Variants in TFAP2C observed in about 807,000 individuals in gnomAD.
TFAP2C encodes transcription factor AP-2 gamma.
Under a neutral mutation model 42.9 loss-of-function variants are expected in TFAP2C, and 9 were observed. That is an observed-to-expected ratio of 0.21 (90% CI 0.13 to 0.37). The LOEUF is 0.37. Among genes scored for constraint, TFAP2C ranks in the 10% least tolerant of loss-of-function variants. The pLI, the probability that TFAP2C is intolerant of heterozygous loss-of-function variation, is 1.00. For synonymous variants in TFAP2C, 264 were observed against 256.0 expected, an observed-to-expected ratio of 1.03 and a Z score of -0.30; for missense variants, 462 against 591.7, an observed-to-expected ratio of 0.78 and a Z score of 2.27.
chr20:56,631,189 T>C lies in TFAP2C; in HGVS notation c.49-16T>C, dbSNP rs1463632770. On this transcript the variant is annotated splice_polypyrimidine_tract_variant and intron_variant, in intron 1 of 6. Coordinates refer to ENST00000201031, the MANE Select transcript of TFAP2C (RefSeq NM_003222.4). The surrounding 1 kb of genome is among the most constrained non-coding windows in gnomAD (Gnocchi z 6.1). Reference sequence around the variant, plus strand: ...TTCGCACTAACGGGGTCTCCTGTTTTTTTTTTTCCCTCCAGGATCGCCACG... The same window carrying C: ...TTCGCACTAACGGGGTCTCCTGTTTCTTTTTTTCCCTCCAGGATCGCCACG... 1 of 1,495,960 alleles carries C rather than the reference T, an allele frequency of 6.7e-7. No homozygotes were observed. The highest frequency in any genetic ancestry group is 8.9e-7 in the Non-Finnish European group (1 of 1,125,754). The allele number at this position is 1,495,960 out of a possible 1,614,324, so 92.7% of individuals were successfully genotyped here.
intron 6 of TFAP2C, 66 bp from the exon 7 acceptor site, chr20:56,637,662 G>T: frequency 6.5e-7 from 1 of 1,545,970 alleles, no homozygotes; most frequent in Non-Finnish European, 8.8e-7. Context: ...CAGTGTAGTT[G>T]GTTCTGTGCT....
In TFAP2C at chr20:56,631,302, C is replaced by T. The variant is rs774157164; in HGVS notation, c.146C>T (p.Thr49Ile). Residue 49 changes from threonine (T) to isoleucine (I), a missense_variant, in exon 2 of 7, where the codon ACT (threonine) becomes ATT (isoleucine). Thr to Ile is a moderately conservative substitution (Grantham distance 89). Transcript: ENST00000201031. The surrounding 1 kb of genome is among the most constrained non-coding windows in gnomAD (Gnocchi z 6.1). ...AGCCCCGCGCCACCCCTCTCCCACACTGGAGTCGCCGAATATCAGCCGCCA... is the reference window on the plus strand; with the variant it reads ...AGCCCCGCGCCACCCCTCTCCCACATTGGAGTCGCCGAATATCAGCCGCCA... ...LYSPAPPLSH[T>I]GVAEYQPPPY... is the part of the protein sequence containing the mutation. The T allele has an allele frequency of 9.3e-6, 15 of 1,608,140 alleles. No individual in the cohort carries two copies. The Admixed American group carries it at 2.4e-4, about 25-fold the overall frequency.
At chr20:56,636,282 G>C (rs1288771821) in intron 5 of TFAP2C, among the ~76,000 whole-genome samples, 1 of 152,206 alleles carries the variant, frequency 6.6e-6, no homozygotes, top group East Asian at 1.9e-4. Context: ...TGTGGCTCAT[G>C]TCTATAATCC....
At chr20:56,634,321 T>C in intron 5 of TFAP2C, 53 bp downstream of exon 5, 1 of 1,305,214 alleles carries the variant, frequency 7.7e-7, no homozygotes, top group Non-Finnish European at 1.1e-6. Context: ...TGCCTGTGTC[T>C]TTAATACTTA....
Position 56,636,743 on chromosome 20 carries a change from A to G in TFAP2C, c.1056A>G (p.Leu352=), listed in dbSNP as rs372281758. Residue 352 remains leucine (L), a synonymous_variant, in exon 6 of 7, where the codon CTA becomes CTG. Transcript: ENST00000201031. ...RNEMAARKNM[L]LAAQQLCKEF... ...AGATGGCAGCTAGGAAGAACATGCT[A>G]TTGGCGGCCCAGTAAGTATCTGAAC... 4.9e-5 allele frequency: 79 copies of G among 1,613,120 alleles called. No homozygotes were observed. Among genetic ancestry groups the G allele is most frequent in the Non-Finnish European group, 1.6e-5 (19 of 1,179,712 alleles).
chr20:56,634,131 C>G lies in TFAP2C; in HGVS notation c.804-19C>G. 1 of 1,574,414 alleles carries G rather than the reference C, an allele frequency of 6.4e-7. No individual in the cohort carries two copies. The highest frequency in any genetic ancestry group is 8.7e-7 in the Non-Finnish European group (1 of 1,146,866). ...TTTTGTTTTTGAGAGTAGCCAGAGT[C>G]AATTTTTCTTTTTCTTAGAGCCAAA... On this transcript the variant is annotated intron_variant, in intron 4 of 6. Transcript: ENST00000201031.
rs1987464854 is a variant in TFAP2C, at chr20:56,630,394, C to T, written c.48+802C>T. On this transcript the variant is annotated intron_variant, in intron 1 of 6. Transcript: ENST00000201031. This position sits in a 1 kb window ranked among gnomAD's most constrained non-coding sequence, Gnocchi z 5.1. The stretch of plus-strand genomic sequence containing the variant: ...CCAGGTTCCCGGCGCCCCGAGACCC[C>T]TGGGCAGATGGGGACGCATCCTTTA... 1 of 462,974 alleles carries T rather than the reference C, an allele frequency of 2.2e-6. No homozygotes were observed. Among genetic ancestry groups the T allele is most frequent in the South Asian group, 1.6e-5 (1 of 64,110 alleles). 28.7% of individuals were successfully genotyped at this position (462,974 alleles called of 1,614,324 possible).
rs1479768886 is a variant in TFAP2C, at chr20:56,633,390, C to G, written c.624C>G (p.Pro208=). The G allele has an allele frequency of 2.5e-6, 4 of 1,614,078 alleles. No individual in the cohort carries two copies. Among genetic ancestry groups the G allele is most frequent in the Admixed American group, 1.7e-5 (1 of 60,004 alleles). Residue 208 remains proline, a synonymous_variant, in exon 4 of 7, where the codon CCC becomes CCG. Coordinates refer to ENST00000201031, the MANE Select transcript of TFAP2C (RefSeq NM_003222.4). Reference sequence around the variant, plus strand: ...TGACCAAGAACCCTCTGAACCTCCCCTGTCAGAAGGAGCTGGTGGGGGCCG... The same window carrying G: ...TGACCAAGAACCCTCTGAACCTCCCGTGTCAGAAGGAGCTGGTGGGGGCCG... The part of the protein sequence containing the change: ...ISMTKNPLNL[P]CQKELVGAVM...
chr20:56,630,815 CTG>C lies in TFAP2C; in HGVS notation c.49-389_49-388del. 1 of 985,330 alleles carries C rather than the reference CTG, an allele frequency of 1.0e-6. No homozygotes were observed. The highest frequency in any genetic ancestry group is 1.2e-6 in the Non-Finnish European group (1 of 829,882). 61.0% of individuals were successfully genotyped at this position (985,330 alleles called of 1,614,324 possible). On this transcript the variant is annotated intron_variant, in intron 1 of 6. Coordinates refer to ENST00000201031, the MANE Select transcript of TFAP2C (RefSeq NM_003222.4). This position sits in a 1 kb window ranked among gnomAD's most constrained non-coding sequence, Gnocchi z 5.1. ...CATGGGCGGGCTCCACGAGATAGCT[CTG>C]CACCGGGCGTCCGGCTCCTTCGCCC...
rs1987589486 is a variant in TFAP2C, at chr20:56,636,707, A to G, written c.1020A>G (p.Gly340=). 6.2e-7 allele frequency: 1 copy of G among 1,613,874 alleles called. No homozygotes were observed. The highest frequency in any genetic ancestry group is 8.5e-7 in the Non-Finnish European group (1 of 1,179,988). ...AATATTTAACCAGACCTCATCTTGG[A>G]GGACGAAATGAGATGGCAGCTAGGA... ...VAEYLTRPHL[G]GRNEMAARKN... The change falls in exon 6 of 7, where the codon GGA becomes GGG. Residue 340 remains glycine (G), a synonymous_variant. Transcript: ENST00000201031.
intron 3 of TFAP2C, among the ~76,000 whole-genome samples, 171 bp downstream of exon 3, chr20:56,632,027 G>A (rs1028664567): frequency 1.3e-5 from 2 of 152,130 alleles, no homozygotes; most frequent in Admixed American, 1.3e-4. Context: ...ATTTCCCTCC[G>A]ACCTCCTAGG....
At position 56,631,981 on chromosome 20, in the gene TFAP2C, T is replaced by A; in HGVS notation, c.586+125T>A. The A allele has an allele frequency of 9.3e-7, 1 of 1,079,488 alleles. No homozygotes were observed. The highest frequency in any genetic ancestry group is 1.4e-6 in the Non-Finnish European group (1 of 709,898). 66.9% of individuals were successfully genotyped at this position (1,079,488 alleles called of 1,614,324 possible). A position where few individuals can be genotyped will look rare whatever the true frequency, so the allele number is the denominator to read the frequency against. On this transcript the variant is annotated intron_variant, in intron 3 of 6. Transcript: ENST00000201031. This position sits in a 1 kb window ranked among gnomAD's most constrained non-coding sequence, Gnocchi z 6.1. Reference sequence around the variant, plus strand: ...TTGTGGTAGAAGGGACTGAAAGGGATTCATGGAAGCTAGATTTTAGGAGTG... The same window carrying A: ...TTGTGGTAGAAGGGACTGAAAGGGAATCATGGAAGCTAGATTTTAGGAGTG...
chr20:56,633,056 T>G (rs1466713394), intron 3 of TFAP2C, among the ~76,000 whole-genome samples: 1 of 152,092 alleles, frequency 6.6e-6, no homozygotes, highest in African/African-American at 2.4e-5. Context: ...AAACTCCATC[T>G]CTACTAAAAA....
rs1361210480 is a variant in TFAP2C, at chr20:56,629,628, C to T, written c.48+36C>T. 5 of 1,393,148 alleles carry T rather than the reference C, an allele frequency of 3.6e-6. No homozygotes were observed. In the African/African-American group the frequency reaches 4.5e-5, roughly 13 times the overall value. The allele number at this position is 1,393,148 out of a possible 1,614,324, so 86.3% of individuals were successfully genotyped here. On this transcript the variant is annotated intron_variant, in intron 1 of 6. Coordinates refer to ENST00000201031, the MANE Select transcript of TFAP2C (RefSeq NM_003222.4). The surrounding 1 kb of genome is among the most constrained non-coding windows in gnomAD (Gnocchi z 5.9). ...GCTCCGGGGTGCAGCCCCGCCCCGC[C>T]GAGGACAGTCCGGGAGGCAGGGGCC...
Position 56,630,511 on chromosome 20 carries a change from C to T in TFAP2C, c.49-694C>T, listed in dbSNP as rs890914199. 2.9e-6 allele frequency: 1 copy of T among 346,778 alleles called. No homozygotes were observed. The highest frequency in any genetic ancestry group is 5.6e-6 in the Non-Finnish European group (1 of 178,052). 21.5% of individuals were successfully genotyped at this position (346,778 alleles called of 1,614,324 possible). On this transcript the variant is annotated intron_variant, in intron 1 of 6. Coordinates refer to ENST00000201031, the MANE Select transcript of TFAP2C (RefSeq NM_003222.4). This position sits in a 1 kb window ranked among gnomAD's most constrained non-coding sequence, Gnocchi z 5.1. ...TCTTCATGCCCCCTCTGCGCCCCGA[C>T]GTGCGAGAACACTGCCCTTGGCAGT...
intron 5 of TFAP2C, 103 bp from the exon 6 acceptor site, chr20:56,636,507 C>G (rs1306595181): frequency 1.8e-5 from 24 of 1,303,846 alleles, no homozygotes; most frequent in Non-Finnish European, 2.4e-5. Context: ...GCCTGGGCAA[C>G]AGAGCGAGAC....
At position 56,631,890 on chromosome 20, in the gene TFAP2C, C is replaced by T. The variant is rs747999594; in HGVS notation, c.586+34C>T. 2 of 1,612,874 alleles carry T rather than the reference C, an allele frequency of 1.2e-6. No individual in the cohort carries two copies. Among genetic ancestry groups the T allele is most frequent in the South Asian group, 1.1e-5 (1 of 91,050 alleles). On this transcript the variant is annotated intron_variant, in intron 3 of 6. Transcript: ENST00000201031. This position sits in a 1 kb window ranked among gnomAD's most constrained non-coding sequence, Gnocchi z 6.1. ...CAAGGTGGCATCGTCTAACTCTGGT[C>T]ACACGATCTGGGCTTGTGAAGTTGA...
rs748311088 is a variant in TFAP2C at position 56,637,710 on chromosome 20, AACTG to A, written c.1068-13_1068-10del. On this transcript the variant is annotated splice_polypyrimidine_tract_variant and intron_variant, in intron 6 of 6. Transcript: ENST00000201031. ...GGAGCTAGATGGAACTCATCGAGTC[AACTG>A]ACTGTCTTCACAGGCAACTGTGTAA... The A allele has an allele frequency of 3.1e-6, 5 of 1,612,560 alleles. No homozygotes were observed. Among genetic ancestry groups the A allele is most frequent in the Non-Finnish European group, 4.2e-6 (5 of 1,178,800 alleles).
Position 56,631,796 on chromosome 20 carries a change from C to CT in TFAP2C, c.535-8dup. ...CGAACTTAAGGGAATTTTGTCCTCT[C>CT]TCCCCCAGAATGTCGACGACCAGCA... On this transcript the variant is annotated splice_polypyrimidine_tract_variant and intron_variant, in intron 2 of 6. Transcript: ENST00000201031. The surrounding 1 kb of genome is among the most constrained non-coding windows in gnomAD (Gnocchi z 6.1). The CT allele has an allele frequency of 6.2e-7, 1 of 1,614,186 alleles. No homozygotes were observed. The highest frequency in any genetic ancestry group is 8.5e-7 in the Non-Finnish European group (1 of 1,180,030).
Sources: allele counts gnomAD v4.1 joint callset (sites outside exome capture counted in the v4.1 genomes callset), GRCh38; gene constraint gnomAD v4.1.1; non-coding constraint Gnocchi (gnomAD v3.1); transcripts MANE v1.5; gene names NCBI Gene and HGNC (gene_info 2026-07-23, HGNC 2026-07-21).